The following SOX5 variants were observed in gnomAD, a reference collection of about 807,000 sequenced individuals.
SOX5 encodes transcription factor SOX-5.
A neutral mutation model predicts 92.0 loss-of-function variants in SOX5; 9 were observed. That is an observed-to-expected ratio of 0.10 (90% confidence interval 0.06 to 0.17). The LOEUF is 0.17. Ranked by LOEUF, SOX5 falls within the 10% of genes least tolerant of loss-of-function variation. The pLI, the probability that SOX5 is intolerant of heterozygous loss-of-function variation, is 1.00. For missense variants in SOX5, 642 were observed against 944.5 expected (o/e 0.68, Z 4.20); for synonymous variants, 344 against 336.3 (o/e 1.02, Z -0.25).
rs1223061518 is a variant in SOX5, at chr12:24,470,673, A to G, written c.-251+91656T>C. Among the ~76,000 whole-genome samples the G allele has an allele frequency of 3.3e-5, 5 of 152,308 alleles. No individual in the cohort carries two copies. In the East Asian group the frequency reaches 5.8e-4, roughly 18 times the overall value. On this transcript the variant is annotated intron_variant, in intron 1 of 4. Transcript: ENST00000446891. ...GTGCTTTCCAAATCAGTCCCTTACA[A>G]TGAGTATTAGAAAACAGTGTTGTGG...
intron 1 of SOX5, among the ~76,000 whole-genome samples, chr12:24,499,530 T>G (rs1947979430): frequency 6.6e-6 from 1 of 152,168 alleles, no homozygotes; most frequent in African/African-American, 2.4e-5. Context: ...ATGGTACACA[T>G]CCAATGTGGG....
At chr12:23,841,456 T>C (rs998849527) in intron 3 of SOX5, among the ~76,000 whole-genome samples, 5 of 152,054 alleles carry the variant, frequency 3.3e-5, no homozygotes, top group Non-Finnish European at 7.4e-5. Flanking sequence ...CATTCCCCAA[T>C]TGGGTTGAAA....
At chr12:24,074,627 T>TACCAAAA (rs1942264914) in intron 4 of SOX5, among the ~76,000 whole-genome samples, 2 of 16,774 alleles carry the variant, frequency 1.2e-4, no homozygotes, top group Non-Finnish European at 2.6e-4. Flanking sequence ...TTCTGTAAAC[T>TACCAAAA]ACCAAAAAAA....
At chr12:24,157,487 T>A (rs1952306088) in intron 4 of SOX5, among the ~76,000 whole-genome samples, 1 of 152,158 alleles carries the variant, frequency 6.6e-6, no homozygotes. Flanking sequence ...TCAACAGGTA[T>A]AATTTACTAA....
intron 4 of SOX5, among the ~76,000 whole-genome samples, chr12:24,059,119 T>C (rs187978223): frequency 7.0e-4 from 106 of 152,340 alleles, no homozygotes; most frequent in African/African-American, 2.4e-3. Context: ...GCTTTACACA[T>C]AGATACACAT....
chr12:24,245,767 A>G (rs2140109979), intron 3 of SOX5, among the ~76,000 whole-genome samples: 1 of 152,362 alleles, frequency 6.6e-6, no homozygotes, highest in Non-Finnish European at 1.5e-5. Context: ...ATAACATAAA[A>G]GAAAGAGATA....
At chr12:23,676,968 G>T (rs1325456319) in intron 6 of SOX5, among the ~76,000 whole-genome samples, 1 of 152,076 alleles carries the variant, frequency 6.6e-6, no homozygotes, top group Admixed American at 6.6e-5. Context: ...CATAATAAAT[G>T]CTCATTATTT....
At chr12:24,248,683 C>G (rs77526988) in intron 3 of SOX5, among the ~76,000 whole-genome samples, 2,991 of 152,256 alleles carry the variant, frequency 0.02, 54 homozygotes, top group African/African-American at 0.044. Flanking sequence ...CTGCGCCTGG[C>G]CCTTCTTTTC....
chr12:24,179,748 G>T (rs1467945072), intron 4 of SOX5, among the ~76,000 whole-genome samples: 1 of 152,054 alleles, frequency 6.6e-6, no homozygotes, highest in Non-Finnish European at 1.5e-5. Context: ...CTAAGCTATG[G>T]TGTTCATAGG....
intron 2 of SOX5, among the ~76,000 whole-genome samples, chr12:24,318,588 C>G (rs1440938568): frequency 6.6e-6 from 1 of 152,096 alleles, no homozygotes; most frequent in Admixed American, 6.5e-5. Context: ...TGAATCTAAG[C>G]CTAACTAATT....
At chr12:24,050,474 G>T (rs887471732) in intron 4 of SOX5, among the ~76,000 whole-genome samples, 1 of 152,044 alleles carries the variant, frequency 6.6e-6, no homozygotes, top group Non-Finnish European at 1.5e-5. Flanking sequence ...AAAAAACTAC[G>T]ATAGGCAAAG....
chr12:24,297,204 G>T (rs1325278167), intron 2 of SOX5, among the ~76,000 whole-genome samples: 1 of 152,116 alleles, frequency 6.6e-6, no homozygotes, highest in African/African-American at 2.4e-5. Flanking sequence ...TGAAAATTTT[G>T]AAAGTGACTA....
At chr12:24,339,138 G>GTT (rs1406495334) in intron 2 of SOX5, among the ~76,000 whole-genome samples, 3 of 116,480 alleles carry the variant, frequency 2.6e-5, no homozygotes, top group East Asian at 2.2e-4. Flanking sequence ...GTCTGTCTCT[G>GTT]TTTCTCTCTC....
intron 1 of SOX5, among the ~76,000 whole-genome samples, chr12:24,398,140 A>G (rs1176405085): frequency 1.3e-5 from 2 of 152,112 alleles, no homozygotes; most frequent in Non-Finnish European, 2.9e-5. Context: ...GTGAGCCACC[A>G]CACCCGGCCA....
At chr12:24,356,345 TCTGA>T in intron 2 of SOX5, among the ~76,000 whole-genome samples, 1 of 152,278 alleles carries the variant, frequency 6.6e-6, no homozygotes, top group Non-Finnish European at 1.5e-5. Flanking sequence ...TTATTTTTTG[TCTGA>T]CTGACCATTA....
intron 4 of SOX5, among the ~76,000 whole-genome samples, chr12:23,961,815 G>A (rs1162795094): frequency 6.6e-6 from 1 of 152,116 alleles, no homozygotes; most frequent in Non-Finnish European, 1.5e-5. Flanking sequence ...GTGTATCCTG[G>A]TATTCCTAGG....
intron 4 of SOX5, among the ~76,000 whole-genome samples, chr12:23,994,228 A>C (rs1439865175): frequency 6.6e-6 from 1 of 152,212 alleles, no homozygotes; most frequent in Non-Finnish European, 1.5e-5. Context: ...ACATAGAAAT[A>C]CTAAAATAAG....
At chr12:24,210,017 CAAAAAAAAAAAAAAA>C (rs1173723179) in intron 4 of SOX5, among the ~76,000 whole-genome samples, 7 of 62,694 alleles carry the variant, frequency 1.1e-4, no homozygotes, top group African/African-American at 3.8e-4. Flanking sequence ...GACTCCGTCT[CAAAAAAAAAAAAAAA>C]AAAAAAAAAA....
At chr12:24,400,564 C>A (rs541740697) in intron 1 of SOX5, among the ~76,000 whole-genome samples, 1 of 152,312 alleles carries the variant, frequency 6.6e-6, no homozygotes, top group African/African-American at 2.4e-5. Context: ...AGGGAACATT[C>A]AAAATTATTC....
Sources: allele counts gnomAD v4.1 joint callset (sites outside exome capture counted in the v4.1 genomes callset), GRCh38; gene constraint gnomAD v4.1.1; transcripts MANE v1.5; gene names NCBI Gene and HGNC (gene_info 2026-07-23, HGNC 2026-07-21).